The following PRKCH variants were observed in gnomAD, a reference collection of about 807,000 sequenced individuals.
PRKCH encodes protein kinase C eta.
Under a neutral mutation model 82.5 loss-of-function variants are expected in PRKCH, and 28 were observed. The observed-to-expected ratio is 0.34, with a 90% CI of 0.25 to 0.47. PRKCH has a LOEUF of 0.47. Ranked by LOEUF, PRKCH falls within the 20% of genes least tolerant of loss-of-function variation. The probability of loss-of-function intolerance (pLI) is 1.00; values close to 1 mark genes in which losing one functional copy is unlikely to be tolerated. For missense variants in PRKCH, 705 were observed against 881.8 expected (o/e 0.80, Z 2.54); for synonymous variants, 322 against 327.4 (o/e 0.98, Z 0.18).
chr14:61,544,271 C>A (rs2140037988), intron 12 of PRKCH: 1 of 152,314 alleles, frequency 6.6e-6, no homozygotes, highest in East Asian at 1.9e-4. Flanking sequence ...TGCTCAACTC[C>A]AGGCCGTTTC....
intron 10 of PRKCH, among the ~76,000 whole-genome samples, chr14:61,512,617 A>G (rs1887427425): frequency 6.6e-6 from 1 of 152,174 alleles, no homozygotes; most frequent in Non-Finnish European, 1.5e-5. Flanking sequence ...CCAAAGCATC[A>G]AATGAGCTTT....
intron 1 of PRKCH, chr14:61,327,276 G>A (rs966356035): frequency 6.0e-6 from 2 of 334,766 alleles, no homozygotes; most frequent in Non-Finnish European, 1.2e-5. Flanking sequence ...GGATCCAGGT[G>A]TCTGAATTTA....
chr14:61,248,789 T>C (rs1222445071), intron 1 of PRKCH, among the ~76,000 whole-genome samples: 4 of 54,834 alleles, frequency 7.3e-5, no homozygotes, highest in Non-Finnish European at 1.4e-4. Flanking sequence ...TGTATGTATG[T>C]ATGTATGTAT....
intron 10 of PRKCH, among the ~76,000 whole-genome samples, chr14:61,499,306 G>C (rs1886797333): frequency 6.6e-6 from 1 of 152,184 alleles, no homozygotes; most frequent in African/African-American, 2.4e-5. Context: ...ATGTGAAGTG[G>C]TACAAGTGCT....
At chr14:61,346,298 C>G (rs544866314) in intron 1 of PRKCH, among the ~76,000 whole-genome samples, 60 of 152,276 alleles carry the variant, frequency 3.9e-4, no homozygotes, top group African/African-American at 1.4e-3. Context: ...GCTGGCTACA[C>G]TATCCATTTC....
At chr14:61,248,780 G>T (rs2044910225) in intron 1 of PRKCH, among the ~76,000 whole-genome samples, 1 of 118,318 alleles carries the variant, frequency 8.5e-6, no homozygotes, top group Non-Finnish European at 1.7e-5. Flanking sequence ...ATGTATGTAT[G>T]TATGTATGTA....
intron 1 of PRKCH, among the ~76,000 whole-genome samples, chr14:61,351,550 A>C (rs140593281): frequency 3.5e-4 from 53 of 152,352 alleles, no homozygotes; most frequent in African/African-American, 1.2e-3. Context: ...AATACACGAA[A>C]GCACGCCTGC....
chr14:61,396,064 A>G (rs908255657), intron 2 of PRKCH, among the ~76,000 whole-genome samples: 1 of 142,100 alleles, frequency 7.0e-6, no homozygotes, highest in African/African-American at 2.6e-5. Flanking sequence ...TGGGTGACAG[A>G]GTGAAACCTT....
intron 1 of PRKCH, among the ~76,000 whole-genome samples, chr14:61,271,955 G>C (rs1349186904): frequency 6.6e-6 from 1 of 152,210 alleles, no homozygotes; most frequent in Non-Finnish European, 1.5e-5. Flanking sequence ...GCCGGGCGCG[G>C]TGGCTCACGC....
chr14:61,292,116 T>C (rs947804738), intron 1 of PRKCH, among the ~76,000 whole-genome samples: 3 of 151,766 alleles, frequency 2.0e-5, no homozygotes, highest in African/African-American at 7.3e-5. Flanking sequence ...AGGAGGAGAG[T>C]TAAAAAATTA....
At chr14:61,345,050 C>T (rs552321340) in intron 1 of PRKCH, among the ~76,000 whole-genome samples, 5 of 152,236 alleles carry the variant, frequency 3.3e-5, no homozygotes, top group Admixed American at 6.5e-5. Context: ...TATACTCATT[C>T]ACCCTCAGTT....
intron 1 of PRKCH, among the ~76,000 whole-genome samples, chr14:61,217,231 A>AG (rs1249436400): frequency 6.6e-6 from 1 of 152,086 alleles, no homozygotes; most frequent in Non-Finnish European, 1.5e-5. Context: ...ATCTCTAAAA[A>AG]AGATTTTAAA....
rs758441852 is a variant in PRKCH, at chr14:61,549,845, G to A, written c.*14G>A. On this transcript the variant is annotated 3_prime_UTR_variant, in exon 14 of 14. Coordinates refer to ENST00000332981, the MANE Select transcript of PRKCH (RefSeq NM_006255.5). Reference sequence around the variant, plus strand: ...TTGCAACCATAGCCTTATGGGGAGTGAGAGAGAGGGCACGAGAACCCAAAG... The same window carrying A: ...TTGCAACCATAGCCTTATGGGGAGTAAGAGAGAGGGCACGAGAACCCAAAG... 21 of 1,610,402 alleles carry A rather than the reference G, an allele frequency of 1.3e-5. No individual in the cohort carries two copies. The Admixed American group carries it at 3.5e-4, about 27-fold the overall frequency.
intron 1 of PRKCH, among the ~76,000 whole-genome samples, chr14:61,229,742 A>T (rs937641842): frequency 5.3e-5 from 8 of 152,136 alleles, no homozygotes; most frequent in Admixed American, 5.2e-4. Flanking sequence ...ACCTAACCAC[A>T]TTAACACACA....
intron 1 of PRKCH, among the ~76,000 whole-genome samples, chr14:61,252,058 G>A (rs891547181): frequency 2.0e-5 from 3 of 151,930 alleles, no homozygotes; most frequent in Non-Finnish European, 4.4e-5. Flanking sequence ...CAGGCTGGTC[G>A]CGAACTCCTG....
chr14:61,306,781 A>C (rs1197085716), intron 1 of PRKCH: 1 of 152,214 alleles, frequency 6.6e-6, no homozygotes, highest in Non-Finnish European at 1.5e-5. Flanking sequence ...GTATTAGGCC[A>C]CTACTCTTCA....
intron 1 of PRKCH, among the ~76,000 whole-genome samples, chr14:61,268,524 T>A (rs1479683006): frequency 6.6e-6 from 1 of 151,898 alleles, no homozygotes; most frequent in Non-Finnish European, 1.5e-5. Context: ...AAGAATTAGG[T>A]GGGCATGGTG....
intron 2 of PRKCH, among the ~76,000 whole-genome samples, chr14:61,432,770 C>T (rs1883468890): frequency 6.6e-6 from 1 of 152,240 alleles, no homozygotes; most frequent in South Asian, 2.1e-4. Flanking sequence ...CAGAGTCCCT[C>T]GCTATATTGT....
intron 9 of PRKCH, among the ~76,000 whole-genome samples, chr14:61,476,078 T>G (rs1447845507): frequency 6.6e-6 from 1 of 152,238 alleles, no homozygotes; most frequent in East Asian, 1.9e-4. Flanking sequence ...ACTTAACTCT[T>G]CCACAAACTG....
Sources: gnomAD v4.1 joint callset for allele counts (sites outside exome capture counted in the v4.1 genomes callset) on GRCh38, gnomAD v4.1.1 for gene constraint, MANE v1.5 for transcripts, NCBI Gene and HGNC (gene_info 2026-07-23, HGNC 2026-07-21) for gene names.